Variants in RASGRP3 observed in about 807,000 individuals in gnomAD.
RASGRP3 encodes RAS guanyl releasing protein 3, also known as ras guanyl-releasing protein 3.
Under a neutral mutation model 82.7 loss-of-function variants are expected in RASGRP3, and 54 were observed. The ratio of observed to expected loss-of-function variants is 0.65; its 90% CI spans 0.52 to 0.82. RASGRP3 has a LOEUF of 0.82. Among genes scored for constraint, RASGRP3 ranks in the 40% least tolerant of loss-of-function variants. RASGRP3 has a pLI of 0.00. For missense variants in RASGRP3, 861 were observed against 828.9 expected (o/e 1.04, Z -0.48); for synonymous variants, 309 against 300.5 (o/e 1.03, Z -0.29).
intron 1 of RASGRP3, among the ~76,000 whole-genome samples, chr2:33,491,778 C>T (rs575618758): frequency 8.0e-4 from 122 of 152,364 alleles, no homozygotes; most frequent in African/African-American, 2.8e-3. Flanking sequence ...TATGCAGCCT[C>T]GCAGCCATCT....
intron 2 of RASGRP3, among the ~76,000 whole-genome samples, chr2:33,461,109 C>G (rs1042540861): frequency 6.6e-6 from 1 of 152,174 alleles, no homozygotes; most frequent in Non-Finnish European, 1.5e-5. Flanking sequence ...GGAATCAACA[C>G]CCATCCCTCA....
intron 11 of RASGRP3, among the ~76,000 whole-genome samples, chr2:33,535,508 C>G (rs1042533823): frequency 3.9e-5 from 6 of 152,262 alleles, no homozygotes; most frequent in African/African-American, 1.4e-4. Context: ...TTAATACCTA[C>G]TGTGATTCTG....
intron 17 of RASGRP3, among the ~76,000 whole-genome samples, chr2:33,562,267 CTTTTTTT>C (rs71409631): frequency 2.4e-5 from 3 of 127,066 alleles, no homozygotes; most frequent in Non-Finnish European, 3.2e-5. Context: ...ATCTCTCTCT[CTTTTTTT>C]TTTTTTTTTT....
intron 1 of RASGRP3, among the ~76,000 whole-genome samples, chr2:33,490,868 C>T (rs1017873696): frequency 1.3e-5 from 2 of 152,216 alleles, no homozygotes; most frequent in African/African-American, 4.8e-5. Context: ...GCCGGATACC[C>T]AGGCCCTGGC....
In RASGRP3 at chr2:33,563,091, C is replaced by CT. The variant is rs1445448508; in HGVS notation, c.*361dup. 3 of 265,422 alleles carry CT rather than the reference C, an allele frequency of 1.1e-5. No homozygotes were observed. Among genetic ancestry groups the CT allele is most frequent in the East Asian group, 6.9e-5 (1 of 14,414 alleles). 16.4% of individuals were successfully genotyped at this position (265,422 alleles called of 1,614,324 possible). On this transcript the variant is annotated 3_prime_UTR_variant, in exon 18 of 18. Coordinates refer to ENST00000403687, the MANE Select transcript of RASGRP3 (RefSeq NM_001139488.2). ...ACTCAGTCTGTAAACTCAGACTTCG[C>CT]TTTTTTTGTGAGACTATCCTTTCAA... is the stretch of plus-strand genomic sequence containing the variant.
At chr2:33,554,179 G>C (rs1048509666) in intron 14 of RASGRP3, among the ~76,000 whole-genome samples, 3 of 152,162 alleles carry the variant, frequency 2.0e-5, no homozygotes, top group Non-Finnish European at 4.4e-5. Flanking sequence ...ACTTCACATT[G>C]GCTGTGACTT....
At chr2:33,501,183 T>C (rs188122439) in intron 1 of RASGRP3, among the ~76,000 whole-genome samples, 2 of 152,364 alleles carry the variant, frequency 1.3e-5, no homozygotes, top group East Asian at 3.9e-4. Flanking sequence ...TATGTGGCCT[T>C]CTATGTCTGG....
intron 15 of RASGRP3, among the ~76,000 whole-genome samples, chr2:33,557,179 A>G (rs1676075710): frequency 6.6e-6 from 1 of 152,172 alleles, no homozygotes; most frequent in African/African-American, 2.4e-5. Flanking sequence ...CATAGGAAAT[A>G]ATTGTGAACC....
chr2:33,511,205 T>A (rs1670892424), intron 1 of RASGRP3, among the ~76,000 whole-genome samples: 1 of 152,176 alleles, frequency 6.6e-6, no homozygotes, highest in Admixed American at 6.5e-5. Context: ...AGAGAGTACC[T>A]ATCAACACCA....
chr2:33,538,521 A>C (rs1673892608), intron 11 of RASGRP3, among the ~76,000 whole-genome samples: 1 of 151,782 alleles, frequency 6.6e-6, no homozygotes, highest in Non-Finnish European at 1.5e-5. Flanking sequence ...TAAATAAATA[A>C]ATAAATAATA....
intron 2 of RASGRP3, among the ~76,000 whole-genome samples, chr2:33,467,613 T>C (rs1045460945): frequency 6.6e-6 from 1 of 152,222 alleles, no homozygotes. Context: ...TATGTGTTAG[T>C]GCTTCAAATT....
chr2:33,555,163 C>T (rs1288988234), intron 14 of RASGRP3: 5 of 176,302 alleles, frequency 2.8e-5, no homozygotes, highest in East Asian at 2.9e-4. Context: ...CTGTAGTGGG[C>T]GCTAAGAGCA....
intron 2 of RASGRP3, chr2:33,457,958 T>G (rs1312013204): frequency 6.6e-6 from 1 of 152,214 alleles, no homozygotes; most frequent in Admixed American, 6.5e-5. Context: ...AATTTATATT[T>G]TCACCTGGCC....
chr2:33,444,920 G>C (rs530950165), intron 1 of RASGRP3, among the ~76,000 whole-genome samples: 1 of 152,166 alleles, frequency 6.6e-6, no homozygotes, highest in Non-Finnish European at 1.5e-5. Flanking sequence ...CTAAAATCGA[G>C]TTCCAAAAAC....
At chr2:33,474,636 A>C (rs566107716), upstream of RASGRP3, among the ~76,000 whole-genome samples, 19 of 152,240 alleles carry the variant, frequency 1.2e-4, no homozygotes, top group African/African-American at 4.6e-4. Context: ...GGTCATTTAG[A>C]AGTGCCCCCT....
At chr2:33,523,775 G>A (rs762217460) in intron 7 of RASGRP3, 104 bp from the exon 8 acceptor site, 2 of 1,129,162 alleles carry the variant, frequency 1.8e-6, no homozygotes, top group East Asian at 2.4e-5. Flanking sequence ...AAAAGAAATT[G>A]TGTTGTTACG....
rs1665007748 is a variant in RASGRP3 at position 33,437,839 on chromosome 2, G to C, written c.-385+1248G>C. 2.6e-5 allele frequency among the ~76,000 whole-genome samples: 4 copies of C among 151,622 alleles called. No homozygotes were observed. The South Asian group carries it at 8.3e-4, about 32-fold the overall frequency. ...GAACTTAAGTGGTTAAAAAAAAAAA[G>C]AGAGGGAAATGAAATTAATCTGAAT... is the stretch of plus-strand genomic sequence containing the variant. On this transcript the variant is annotated intron_variant, in intron 1 of 18. Transcript: ENST00000402538.
intron 1 of RASGRP3, among the ~76,000 whole-genome samples, chr2:33,446,023 T>C (rs1574220257): frequency 6.6e-6 from 1 of 152,244 alleles, no homozygotes; most frequent in Non-Finnish European, 1.5e-5. Flanking sequence ...AGACCTTTTT[T>C]AGGCTTTTAT....
intron 1 of RASGRP3, among the ~76,000 whole-genome samples, chr2:33,480,811 A>G (rs953532105): frequency 3.3e-5 from 5 of 152,060 alleles, no homozygotes; most frequent in African/African-American, 1.2e-4. Flanking sequence ...CCACTGCTCT[A>G]TGGGATTTGA....
Sources: gnomAD v4.1 joint callset for allele counts (sites outside exome capture counted in the v4.1 genomes callset) on GRCh38, gnomAD v4.1.1 for gene constraint, MANE v1.5 for transcripts, NCBI Gene and HGNC (gene_info 2026-07-23, HGNC 2026-07-21) for gene names.